The following WNK4 variants were observed in gnomAD, a reference collection of about 807,000 sequenced individuals.
The protein encoded by WNK4 is WNK lysine deficient protein kinase 4.
Under a neutral mutation model 116.2 loss-of-function variants are expected in WNK4, and 94 were observed. The observed-to-expected ratio is 0.81, with a 90% CI of 0.68 to 0.96. The LOEUF (loss-of-function observed/expected upper bound fraction) is 0.96, where lower values mean the gene tolerates loss of function less well. Among genes scored for constraint, WNK4 ranks in the 40% least tolerant of loss-of-function variants. The pLI, the probability that WNK4 is intolerant of heterozygous loss-of-function variation, is 0.00. For synonymous variants in WNK4, 655 were observed against 672.7 expected (o/e 0.97, Z 0.41); for missense variants, 1,542 against 1,650.6 (o/e 0.93, Z 1.14).
Position 42,794,955 on chromosome 17 carries a change from C to T in WNK4, c.2534C>T (p.Pro845Leu). The T allele has an allele frequency of 1.2e-6, 2 of 1,612,762 alleles. No individual in the cohort carries two copies. Among genetic ancestry groups the T allele is most frequent in the Non-Finnish European group, 1.7e-6 (2 of 1,179,578 alleles). Reference protein sequence around the residue: ...PCHPSPSPFSPISSQVSSNPS... With the variant: ...PCHPSPSPFSLISSQVSSNPS... ...CATCCCAGCCCCTCCCCATTCTCCC[C>T]CATTTCTTCCCAGGTCTCCTCAAAT... Residue 845 changes from proline (P) to leucine (L), a missense_variant, in exon 14 of 19, where the codon CCC (proline) becomes CTC (leucine). Pro to Leu is a moderately conservative substitution (Grantham distance 98, BLOSUM62 -3). Coordinates refer to ENST00000246914, the MANE Select transcript of WNK4 (RefSeq NM_032387.5).
chr17:42,795,201 C>T lies in WNK4; in HGVS notation c.2780C>T (p.Ala927Val), dbSNP rs777074821. The T allele has an allele frequency of 1.2e-6, 2 of 1,614,040 alleles. No homozygotes were observed. The highest frequency in any genetic ancestry group is 2.2e-5 in the South Asian group (2 of 91,072). ...STTAAPLLSL[A>V]SAFSLAVMTV... ...ACAGCAGCCCCTCTCCTTTCTCTGG[C>T]TAGTGCCTTCTCACTGGCTGTGATG... Residue 927 changes from alanine (A) to valine (V), a missense_variant, in exon 14 of 19, where the codon GCT becomes GTT. Coordinates refer to ENST00000246914, the MANE Select transcript of WNK4 (RefSeq NM_032387.5).
At chr17:42,783,025 A>G (rs1297996920) in intron 2 of WNK4, 95 bp downstream of exon 2, 4 of 1,505,208 alleles carry the variant, frequency 2.7e-6, no homozygotes, top group African/African-American at 1.4e-5. Context: ...TCTAATATCC[A>G]GGTGTAAAAC....
In WNK4 at chr17:42,796,568, T is replaced by C; in HGVS notation, c.3719T>C (p.Val1240Ala). The change falls in exon 18 of 19, where the codon GTT (valine) becomes GCT (alanine). Residue 1240 changes from valine (V) to alanine (A), a missense_variant. Val to Ala is a moderately conservative substitution (Grantham distance 64). Transcript: ENST00000246914. ...AAGGGGGTGACATTCGCCGGGGATG[T>C]TGGCAGGATGGTGAGGGCGGGCCCA... ...ASKGVTFAGD[V>A]GRM The C allele has an allele frequency of 6.2e-7, 1 of 1,614,148 alleles. No individual in the cohort carries two copies. The highest frequency in any genetic ancestry group is 8.5e-7 in the Non-Finnish European group (1 of 1,179,994).
rs773176038 is a variant in WNK4, at chr17:42,794,934, C to A, written c.2513C>A (p.Pro838His). 1.9e-6 allele frequency: 3 copies of A among 1,612,126 alleles called. No homozygotes were observed. The highest frequency in any genetic ancestry group is 1.3e-5 in the African/African-American group (1 of 74,412). Reference sequence around the variant, plus strand: ...CCCATCACTTCTCCCCCATGTCATCCCAGCCCCTCCCCATTCTCCCCCATT... The same window carrying A: ...CCCATCACTTCTCCCCCATGTCATCACAGCCCCTCCCCATTCTCCCCCATT... ...IFPITSPPCH[P>H]SPSPFSPISS... The change falls in exon 14 of 19, where the codon CCC becomes CAC. Residue 838 changes from proline (P) to histidine (H), a missense_variant. By Grantham distance (77) the Pro-to-His change is moderately conservative (BLOSUM62 -2). Around this residue, in one of 7 missense-constraint regions of WNK4, gnomAD observed 808 missense variants for 873.6 expected, o/e 0.92. Coordinates refer to ENST00000246914, the MANE Select transcript of WNK4 (RefSeq NM_032387.5).
At chr17:42,796,434 C>T (rs1333906214) in intron 17 of WNK4, 47 bp from the exon 18 acceptor site, 9 of 1,614,048 alleles carry the variant, frequency 5.6e-6, no homozygotes, top group Non-Finnish European at 7.6e-6. Context: ...CTCTCCCCAC[C>T]TCCCCTTTCC....
chr17:42,781,721 G>A (rs61754331), intron 1 of WNK4, among the ~76,000 whole-genome samples: 49 of 152,140 alleles, frequency 3.2e-4, no homozygotes, highest in Non-Finnish European at 5.1e-4. Context: ...CACTCCTCCC[G>A]TCCCCCACCT....
chr17:42,792,376 A>T (rs971724108), intron 11 of WNK4, among the ~76,000 whole-genome samples: 15 of 152,322 alleles, frequency 9.8e-5, no homozygotes, highest in South Asian at 8.3e-4. Context: ...ATTTTAAAAA[A>T]TTGTGATTAA....
Position 42,795,314 on chromosome 17 carries a change from C to G in WNK4, c.2893C>G (p.Leu965Val), listed in dbSNP as rs200640984. The G allele has an allele frequency of 6.2e-7, 1 of 1,614,112 alleles. No homozygotes were observed. The highest frequency in any genetic ancestry group is 2.2e-5 in the East Asian group (1 of 44,864). Residue 965 changes from leucine to valine, a missense_variant, in exon 14 of 19, where the codon CTT becomes GTT. Leu to Val is a conservative substitution (Grantham distance 32). Around this residue, in one of 7 missense-constraint regions of WNK4, gnomAD observed 292 missense variants for 290.1 expected, o/e 1.01. Coordinates refer to ENST00000246914, the MANE Select transcript of WNK4 (RefSeq NM_032387.5). The stretch of plus-strand genomic sequence containing the variant: ...TCCTAGTCCCCTCCCTAGCCTGCCC[C>G]TTCCCCCTCCCGTTGCTCCTGGTGG... The part of the protein sequence containing the change: ...APPSPLPSLP[L>V]PPPVAPGGQE...
intron 11 of WNK4, among the ~76,000 whole-genome samples, chr17:42,789,766 G>C (rs1292612996): frequency 6.6e-6 from 1 of 152,116 alleles, no homozygotes; most frequent in Non-Finnish European, 1.5e-5. Flanking sequence ...AGCACTTTGG[G>C]TGGATGAAGT....
rs767300577 is a variant in WNK4 at position 42,782,944 on chromosome 17, A to G, written c.791+14A>G. 6 of 1,613,514 alleles carry G rather than the reference A, an allele frequency of 3.7e-6. No individual in the cohort carries two copies. The South Asian group carries it at 4.4e-5, about 12-fold the overall frequency. ...CACGCTCAAGACGTGAGCTCTGCGC[A>G]TGAGTGGGTGGGGAGAGGGAGGCTG... On this transcript the variant is annotated intron_variant, in intron 2 of 18. Transcript: ENST00000246914. This position sits in a 1 kb window ranked among gnomAD's most constrained non-coding sequence, Gnocchi z 4.2.
At position 42,795,313 on chromosome 17, in the gene WNK4, C is replaced by T. The variant is rs952487081; in HGVS notation, c.2892C>T (p.Pro964=). The change falls in exon 14 of 19, where the codon CCC becomes CCT. Residue 964 remains proline (P), a synonymous_variant. Coordinates refer to ENST00000246914, the MANE Select transcript of WNK4 (RefSeq NM_032387.5). ...PAPPSPLPSL[P]LPPPVAPGGQ... ...CTCCTAGTCCCCTCCCTAGCCTGCCCCTTCCCCCTCCCGTTGCTCCTGGTG... is the reference window on the plus strand; with the variant it reads ...CTCCTAGTCCCCTCCCTAGCCTGCCTCTTCCCCCTCCCGTTGCTCCTGGTG... 8 of 1,614,004 alleles carry T rather than the reference C, an allele frequency of 5.0e-6. No homozygotes were observed. The highest frequency in any genetic ancestry group is 6.8e-6 in the Non-Finnish European group (8 of 1,180,032).
intron 6 of WNK4, among the ~76,000 whole-genome samples, chr17:42,786,694 A>G (rs1402480707): frequency 6.6e-6 from 1 of 152,170 alleles, no homozygotes; most frequent in Non-Finnish European, 1.5e-5. Context: ...TGCCTGGCCG[A>G]GTATGGGATT....
rs759848260 is a variant in WNK4 at position 42,796,237 on chromosome 17, G to C, written c.3546G>C (p.Leu1182=). The change falls in exon 17 of 19, where the codon CTG becomes CTC. Residue 1182 remains leucine, a synonymous_variant. Coordinates refer to ENST00000246914, the MANE Select transcript of WNK4 (RefSeq NM_032387.5). ...GTATTGTGGCCCCAGCTGCTATGCT[G>C]TCCAGCCGCCAGCGCCGCCTCTCCA... ...PPGIVAPAAM[L]SSRQRRLSKG... 5.0e-6 allele frequency: 8 copies of C among 1,612,542 alleles called. No individual in the cohort carries two copies. The highest frequency in any genetic ancestry group is 6.8e-6 in the Non-Finnish European group (8 of 1,179,572).
intron 12 of WNK4, chr17:42,794,334 A>C (rs540998085): frequency 2.1e-5 from 11 of 517,518 alleles, no homozygotes; most frequent in Non-Finnish European, 3.5e-5. Flanking sequence ...CAGATTTGCC[A>C]CTTGTTAGTG....
In WNK4 at chr17:42,784,249, G is replaced by A. The variant is rs937562634; in HGVS notation, c.1012+92G>A. 1.4e-5 allele frequency: 22 copies of A among 1,573,016 alleles called. No homozygotes were observed. The Admixed American group carries it at 3.7e-4, about 27-fold the overall frequency. ...CCCTCCCCTCAGCAAGGGCCTTCAA[G>A]GTCCACAAAACTACCAGACGACAGG... is the stretch of plus-strand genomic sequence containing the variant. On this transcript the variant is annotated intron_variant, in intron 3 of 18. Transcript: ENST00000246914. The surrounding 1 kb of genome is among the most constrained non-coding windows in gnomAD (Gnocchi z 4.4).
chr17:42,783,588 C>A (rs1049380574), intron 2 of WNK4: 10 of 368,096 alleles, frequency 2.7e-5, no homozygotes, highest in Non-Finnish European at 4.6e-5. Context: ...TTCCCCCTTT[C>A]ACCTTTGAGC....
In WNK4 at chr17:42,780,816, C is replaced by A; in HGVS notation, c.118C>A (p.Pro40Thr). ...GGGGCAGCCCCGCCTCGGGCCCCCTCCTCGCCGAGCGCGCCGCTTCTCCGG... is the reference window on the plus strand; with the variant it reads ...GGGGCAGCCCCGCCTCGGGCCCCCTACTCGCCGAGCGCGCCGCTTCTCCGG... ...TAGQPRLGPP[P>T]RRARRFSGKA... is the part of the protein sequence containing the mutation. Residue 40 changes from proline to threonine, a missense_variant, in exon 1 of 19, where the codon CCT (proline) becomes ACT (threonine). Pro to Thr is a conservative substitution (Grantham distance 38). Transcript: ENST00000246914. 6.2e-6 allele frequency: 10 copies of A among 1,601,766 alleles called. No individual in the cohort carries two copies. Among genetic ancestry groups the A allele is most frequent in the Non-Finnish European group, 5.9e-6 (7 of 1,178,062 alleles).
chr17:42,788,416 G>GA lies in WNK4; in HGVS notation c.2040+9_2040+10insA, dbSNP rs1324785052. On this transcript the variant is annotated intron_variant, in intron 10 of 18. Coordinates refer to ENST00000246914, the MANE Select transcript of WNK4 (RefSeq NM_032387.5). ...GGCTGCGGGTCACTAGTGTAAGGAT[G>GA]GAGTACAGGAGATAGAGAGTAACCT... 6.2e-7 allele frequency: 1 copy of GA among 1,611,026 alleles called. No individual in the cohort carries two copies. The highest frequency in any genetic ancestry group is 1.3e-5 in the African/African-American group (1 of 74,826).
At chr17:42,781,387 G>C in intron 1 of WNK4, 71 bp downstream of exon 1, 2 of 1,600,296 alleles carry the variant, frequency 1.2e-6, no homozygotes, top group Non-Finnish European at 1.7e-6. Context: ...CAGACAGAGG[G>C]TGGGGGAGAC....
Sources: gnomAD v4.1 joint callset for allele counts (sites outside exome capture counted in the v4.1 genomes callset) on GRCh38, gnomAD v4.1.1 for gene constraint, gnomAD v4.1.1 regional missense constraint, Gnocchi (gnomAD v3.1) non-coding constraint, MANE v1.5 for transcripts, NCBI Gene and HGNC (gene_info 2026-07-23, HGNC 2026-07-21) for gene names.